PIK3R4: variants seen among roughly 807,000 people sequenced by gnomAD.
PIK3R4 encodes the protein phosphoinositide 3-kinase regulatory subunit 4.
Under a neutral mutation model 136.5 loss-of-function variants are expected in PIK3R4, and 46 were observed. The ratio of observed to expected loss-of-function variants is 0.34; its 90% confidence interval spans 0.27 to 0.43. PIK3R4 has a LOEUF of 0.43. PIK3R4 is among the 20% of genes least tolerant of loss of function. The probability of loss-of-function intolerance (pLI) is 1.00; values close to 1 mark genes in which losing one functional copy is unlikely to be tolerated. For missense variants in PIK3R4, 1,331 were observed against 1,649.5 expected (o/e 0.81, Z 3.35); for synonymous variants, 557 against 566.7 (o/e 0.98, Z 0.24).
chr3:130,701,755 T>C (rs1416562875), intron 13 of PIK3R4, among the ~76,000 whole-genome samples: 1 of 152,038 alleles, frequency 6.6e-6, no homozygotes, highest in Non-Finnish European at 1.5e-5. Flanking sequence ...AAAAGAGCTA[T>C]AAATATTGAA....
chr3:130,736,533 A>C (rs2066786505), intron 2 of PIK3R4, among the ~76,000 whole-genome samples: 1 of 152,180 alleles, frequency 6.6e-6, no homozygotes, highest in African/African-American at 2.4e-5. Flanking sequence ...GCAATGAGCC[A>C]AGATCGTGCC....
At chr3:130,741,640 A>G (rs1253415251) in intron 2 of PIK3R4, among the ~76,000 whole-genome samples, 1 of 152,176 alleles carries the variant, frequency 6.6e-6, no homozygotes, top group Non-Finnish European at 1.5e-5. Context: ...ATCTTAAAGT[A>G]GTGCCCTACC....
Position 130,733,761 on chromosome 3 carries a change from T to G in PIK3R4, c.1237A>C (p.Ile413Leu). 6.2e-7 allele frequency: 1 copy of G among 1,614,150 alleles called. No individual in the cohort carries two copies. The highest frequency in any genetic ancestry group is 8.5e-7 in the Non-Finnish European group (1 of 1,179,996). Residue 413 changes from isoleucine (I) to leucine (L), a missense_variant, in exon 4 of 20, where the codon ATC (isoleucine) becomes CTC (leucine). Physicochemically the swap from Ile to Leu is conservative, Grantham distance 5. Coordinates refer to ENST00000356763, the MANE Select transcript of PIK3R4 (RefSeq NM_014602.3). ...TATGGAGTAATACGATCCAAAAGGA[T>G]TTCAACACTTAATCTTGGAGCCAAA... ...LHLAPRLSVE[I>L]LLDRITPYLL...
chr3:130,679,520 TA>T, intron 19 of PIK3R4, 35 bp from the exon 20 acceptor site: 1 of 1,521,036 alleles, frequency 6.6e-7, no homozygotes, highest in Non-Finnish European at 9.0e-7. Flanking sequence ...AGCCAGAGGT[TA>T]AAAGTCTGTA....
rs747345985 is a variant in PIK3R4 at position 130,703,806 on chromosome 3, G to T, written c.3015C>A (p.His1005Gln). 30 of 1,612,230 alleles carry T rather than the reference G, an allele frequency of 1.9e-5. 1 individual carries two copies. In the South Asian group the frequency reaches 3.2e-4, roughly 17 times the overall value. ...AVNRIRVSDEHSLFATCSNDG... is the reference protein window; with the variant it reads ...AVNRIRVSDEQSLFATCSNDG... ...CATTTGAACATGTTGCAAAAAGTGA[G>T]TGTTCATCAGAGACTCTAATTCGAT... The change falls in exon 13 of 20, where the codon CAC (histidine) becomes CAA (glutamine). Residue 1005 changes from histidine to glutamine, a missense_variant. His to Gln is a conservative substitution (Grantham distance 24, BLOSUM62 0). Transcript: ENST00000356763.
chr3:130,698,162 G>C (rs1298893369), intron 13 of PIK3R4, among the ~76,000 whole-genome samples: 1 of 152,162 alleles, frequency 6.6e-6, no homozygotes, highest in Non-Finnish European at 1.5e-5. Context: ...AACAGTTTAT[G>C]ATGTGTCCAG....
chr3:130,708,437 T>C lies in PIK3R4; in HGVS notation c.2387A>G (p.Lys796Arg). 1 of 1,613,698 alleles carries C rather than the reference T, an allele frequency of 6.2e-7. No homozygotes were observed. The change falls in exon 10 of 20, where the codon AAA becomes AGA. Residue 796 changes from lysine (K) to arginine (R), a missense_variant. By Grantham distance (26) the Lys-to-Arg change is conservative. Coordinates refer to ENST00000356763, the MANE Select transcript of PIK3R4 (RefSeq NM_014602.3). ...KLLALKDFMM[K>R]SNKAKANIVD... is the part of the protein sequence containing the mutation. Reference sequence around the variant, plus strand: ...TATATTGGCCTTTGCTTTATTAGATTTCATCATGAAGTCTTTCAGTGCCAG... The same window carrying C: ...TATATTGGCCTTTGCTTTATTAGATCTCATCATGAAGTCTTTCAGTGCCAG...
intron 4 of PIK3R4, among the ~76,000 whole-genome samples, chr3:130,732,189 G>A (rs551355388): frequency 1.3e-5 from 2 of 152,316 alleles, no homozygotes; most frequent in East Asian, 3.9e-4. Context: ...CCTGTCATAT[G>A]AAGGTAATAT....
intron 7 of PIK3R4, among the ~76,000 whole-genome samples, chr3:130,721,118 G>A (rs894740306): frequency 1.1e-4 from 16 of 151,790 alleles, no homozygotes; most frequent in Admixed American, 4.6e-4. Flanking sequence ...GGCGGATCAC[G>A]AGGTCAGGAG....
At chr3:130,741,014 C>T (rs966345004) in intron 2 of PIK3R4, among the ~76,000 whole-genome samples, 1 of 151,902 alleles carries the variant, frequency 6.6e-6, no homozygotes, top group East Asian at 1.9e-4. Flanking sequence ...CAAATAAAGT[C>T]AGAAAAAAAC....
chr3:130,691,486 CTT>C (rs1209397850), intron 13 of PIK3R4, among the ~76,000 whole-genome samples: 3 of 152,156 alleles, frequency 2.0e-5, no homozygotes, highest in Non-Finnish European at 4.4e-5. Flanking sequence ...TTTCTACTCT[CTT>C]TGAATTCACT....
In PIK3R4 at chr3:130,681,342, G is replaced by A. The variant is rs2066457133; in HGVS notation, c.3708+149C>T. The A allele has an allele frequency of 4.7e-6, 3 of 645,024 alleles. No individual in the cohort carries two copies. In the Admixed American group the frequency reaches 8.2e-5, roughly 18 times the overall value. The allele number at this position is 645,024 out of a possible 1,614,324, so 40.0% of individuals were successfully genotyped here. A position where few individuals can be genotyped will look rare whatever the true frequency, so the allele number is the denominator to read the frequency against. ...ACACTAGCAAGGAAACACTCATGTA[G>A]CAATGGCCACATGATACTTGATGTT... is the stretch of plus-strand genomic sequence containing the variant. On this transcript the variant is annotated intron_variant, in intron 17 of 19. Transcript: ENST00000356763.
intron 13 of PIK3R4, among the ~76,000 whole-genome samples, chr3:130,702,836 T>A (rs2066582452): frequency 6.6e-6 from 1 of 152,250 alleles, no homozygotes; most frequent in Non-Finnish European, 1.5e-5. Flanking sequence ...TATATCCTTC[T>A]TGTCCGCAGG....
At chr3:130,700,957 C>T (rs72998214) in intron 13 of PIK3R4, among the ~76,000 whole-genome samples, 181 of 152,322 alleles carry the variant, frequency 1.2e-3, no homozygotes, top group African/African-American at 3.9e-3. Context: ...CCTAACCATA[C>T]AGACTTCCCA....
intron 9 of PIK3R4, among the ~76,000 whole-genome samples, chr3:130,711,211 ACACACACACACACACGCACG>A (rs1283740661): frequency 2.7e-5 from 4 of 150,474 alleles, no homozygotes; most frequent in African/African-American, 9.7e-5. Flanking sequence ...ACTGTACAAA[ACACACACACACACACGCACG>A]CACACACACA....
At position 130,707,094 on chromosome 3, in the gene PIK3R4, A is replaced by G; in HGVS notation, c.2575T>C (p.Trp859Arg). The G allele has an allele frequency of 6.2e-7, 1 of 1,607,614 alleles. No individual in the cohort carries two copies. The highest frequency in any genetic ancestry group is 8.5e-7 in the Non-Finnish European group (1 of 1,177,444). The part of the protein sequence containing the change: ...VKQDSNVNEE[W>R]KSMFGSLDPP... The stretch of plus-strand genomic sequence containing the variant: ...TCCAGTGACCCAAACATGCTTTTCC[A>G]TTCTTCATTTACATTTGAGTCTTGT... The change falls in exon 11 of 20, where the codon TGG (tryptophan) becomes CGG (arginine). Residue 859 changes from tryptophan (W) to arginine (R), a missense_variant. By Grantham distance (101) the Trp-to-Arg change is moderately radical. Coordinates refer to ENST00000356763, the MANE Select transcript of PIK3R4 (RefSeq NM_014602.3).
At position 130,733,601 on chromosome 3, in the gene PIK3R4, C is replaced by T. The variant is rs1445094808; in HGVS notation, c.1397G>A (p.Gly466Asp). Residue 466 changes from glycine (G) to aspartate (D), a missense_variant, in exon 4 of 20, where the codon GGC (glycine) becomes GAC (aspartate). Physicochemically the swap from Gly to Asp is moderately conservative, Grantham distance 94 (BLOSUM62 -1). Transcript: ENST00000356763. ...INIYPEYILP[G>D]IAHLAQDDAT... The stretch of plus-strand genomic sequence containing the variant: ...ATCATCTTGGGCTAAGTGGGCTATG[C>T]CTGGCAGAATGTATTCCGGATAAAT... 1.2e-6 allele frequency: 2 copies of T among 1,614,040 alleles called. No individual in the cohort carries two copies. Among genetic ancestry groups the T allele is most frequent in the South Asian group, 1.1e-5 (1 of 91,078 alleles).
chr3:130,704,439 CTTAA>C (rs1337955058), intron 12 of PIK3R4, among the ~76,000 whole-genome samples: 1 of 152,150 alleles, frequency 6.6e-6, no homozygotes, highest in East Asian at 1.9e-4. Flanking sequence ...CCACTTGCCA[CTTAA>C]TTATACTTTC....
intron 9 of PIK3R4, among the ~76,000 whole-genome samples, chr3:130,711,227 G>A (rs537900706): frequency 2.8e-4 from 42 of 151,260 alleles, no homozygotes; most frequent in African/African-American, 8.0e-4. Flanking sequence ...ACACACACAC[G>A]CACGCACACA....
Sources: allele counts gnomAD v4.1 joint callset (sites outside exome capture counted in the v4.1 genomes callset), GRCh38; gene constraint gnomAD v4.1.1; transcripts MANE v1.5; gene names NCBI Gene and HGNC (gene_info 2026-07-23, HGNC 2026-07-21).